The following KCNIP1 variants were observed in gnomAD, a reference collection of about 807,000 sequenced individuals.
The protein encoded by KCNIP1 is potassium voltage-gated channel interacting protein 1, also known as A-type potassium channel modulatory protein KCNIP1.
Under a neutral mutation model 33.0 loss-of-function variants are expected in KCNIP1, and 18 were observed. The ratio of observed to expected loss-of-function variants is 0.55; its 90% CI spans 0.38 to 0.81. The LOEUF is 0.81. Among genes scored for constraint, KCNIP1 ranks in the 30% least tolerant of loss-of-function variants. The pLI, the probability that KCNIP1 is intolerant of heterozygous loss-of-function variation, is 0.00. For missense variants in KCNIP1, 238 were observed against 271.6 expected, an observed-to-expected ratio of 0.88 and a Z score of 0.87; for synonymous variants, 93 against 98.3, an observed-to-expected ratio of 0.95 and a Z score of 0.32.
intron 1 of KCNIP1, among the ~76,000 whole-genome samples, chr5:170,390,621 C>G (rs947383430): frequency 6.6e-6 from 1 of 150,838 alleles, no homozygotes; most frequent in African/African-American, 2.5e-5. Flanking sequence ...AGCTTATCTC[C>G]ACCCTTCACT....
At chr5:170,680,870 A>G (rs943485424) in intron 1 of KCNIP1, 3 of 390,964 alleles carry the variant, frequency 7.7e-6, no homozygotes, top group African/African-American at 6.2e-5. Flanking sequence ...TATGAAACAT[A>G]GAGATTACCA....
intron 1 of KCNIP1, among the ~76,000 whole-genome samples, chr5:170,693,504 C>A (rs888846225): frequency 1.3e-5 from 2 of 152,124 alleles, no homozygotes; most frequent in Non-Finnish European, 2.9e-5. Flanking sequence ...AGGTGAAGAA[C>A]GTACAGAAGC....
rs145538315 is a variant in KCNIP1 at position 170,529,040 on chromosome 5, A to G, written c.61+24407A>G. Among the ~76,000 whole-genome samples, 104 of 152,344 alleles carry G rather than the reference A, an allele frequency of 6.8e-4. 1 individual carries two copies. The highest frequency in any genetic ancestry group is 2.5e-3 in the African/African-American group (103 of 41,580). On this transcript the variant is annotated intron_variant, in intron 1 of 7. Transcript: ENST00000328939. ...TGTTAGTCAGAACCTTTTCAGTTTC[A>G]AACAACAGAAAACCAACTCTTCCTG...
At chr5:170,579,558 G>C (rs1356138930) in intron 1 of KCNIP1, among the ~76,000 whole-genome samples, 12 of 152,082 alleles carry the variant, frequency 7.9e-5, no homozygotes, top group Non-Finnish European at 1.5e-5. Context: ...TTGCTTCACT[G>C]TGATACCATC....
intron 1 of KCNIP1, among the ~76,000 whole-genome samples, chr5:170,686,753 G>C (rs1315342778): frequency 6.6e-6 from 1 of 152,158 alleles, no homozygotes; most frequent in Non-Finnish European, 1.5e-5. Flanking sequence ...GAAGTGTTTG[G>C]TGTCTCACAC....
chr5:170,544,094 T>C (rs962007424), intron 1 of KCNIP1, among the ~76,000 whole-genome samples: 1 of 152,126 alleles, frequency 6.6e-6, no homozygotes, highest in African/African-American at 2.4e-5. Flanking sequence ...AATTGAATAA[T>C]GACACTTAGT....
At chr5:170,706,841 A>G (rs1763270363) in intron 1 of KCNIP1, among the ~76,000 whole-genome samples, 1 of 152,144 alleles carries the variant, frequency 6.6e-6, no homozygotes, top group Non-Finnish European at 1.5e-5. Flanking sequence ...CAAGAGGAGT[A>G]ATGAAATCCC....
rs140262674 is a variant in KCNIP1 at position 170,703,947 on chromosome 5, T to C, written c.62-14811T>C. Among the ~76,000 whole-genome samples, 149 of 138,106 alleles carry C rather than the reference T, an allele frequency of 1.1e-3. 15 individuals carry two copies. Among genetic ancestry groups the C allele is most frequent in the Non-Finnish European group, 1.8e-3 (116 of 65,714 alleles). The allele number at this position is 138,106 out of a possible 152,430, so 90.6% of individuals were successfully genotyped here. Reference sequence around the variant, plus strand: ...GACACAATCTCCGCCTACCCCACCCTTGAATATGAAAACTGTGACACCCAA... The same window carrying C: ...GACACAATCTCCGCCTACCCCACCCCTGAATATGAAAACTGTGACACCCAA... On this transcript the variant is annotated intron_variant, in intron 1 of 7. Transcript: ENST00000328939.
At chr5:170,714,797 T>A (rs1581535695) in intron 1 of KCNIP1, among the ~76,000 whole-genome samples, 1 of 152,098 alleles carries the variant, frequency 6.6e-6, no homozygotes, top group South Asian at 2.1e-4. Context: ...AATTTTAAGC[T>A]AAGCGTTATC....
At chr5:170,418,276 C>T (rs767786688) in intron 1 of KCNIP1, among the ~76,000 whole-genome samples, 12 of 152,198 alleles carry the variant, frequency 7.9e-5, no homozygotes, top group Non-Finnish European at 1.6e-4. Flanking sequence ...ACTAAAAATA[C>T]AAAATTTAGC....
At chr5:170,551,908 G>GTGTA (rs201550965) in intron 1 of KCNIP1, among the ~76,000 whole-genome samples, 1 of 151,836 alleles carries the variant, frequency 6.6e-6, no homozygotes, top group Non-Finnish European at 1.5e-5. Flanking sequence ...GTGTGAGTGT[G>GTGTA]TGTATGTATG....
At chr5:170,503,916 G>T (rs986319845), upstream of KCNIP1, 10 of 463,356 alleles carry the variant, frequency 2.2e-5, no homozygotes, top group South Asian at 1.8e-4. Context: ...GGGTGAGGGC[G>T]CAGGGCTGGG....
intron 1 of KCNIP1, among the ~76,000 whole-genome samples, chr5:170,518,002 AGGT>A (rs1257390531): frequency 6.7e-6 from 1 of 149,486 alleles, no homozygotes; most frequent in East Asian, 2.0e-4. Context: ...GTGGTTATGG[AGGT>A]GGTGGTGACG....
chr5:170,653,089 C>T (rs918122467), intron 1 of KCNIP1, among the ~76,000 whole-genome samples: 1 of 152,182 alleles, frequency 6.6e-6, no homozygotes, highest in African/African-American at 2.4e-5. Context: ...CCACTCACCC[C>T]AAAGGAAAGG....
At position 170,504,687 on chromosome 5, in the gene KCNIP1, C is replaced by T. The variant is rs1754638987; in HGVS notation, c.61+54C>T. ...TGTCTGGGCTTGGGGGTGCTAGGCG[C>T]CGAGGTGGGCTGTGCCACCTGCCTC... On this transcript the variant is annotated intron_variant, in intron 1 of 7. Coordinates refer to ENST00000328939, the MANE Select transcript of KCNIP1 (RefSeq NM_014592.4). This position sits in a 1 kb window ranked among gnomAD's most constrained non-coding sequence, Gnocchi z 6.0. 5.4e-6 allele frequency: 8 copies of T among 1,490,794 alleles called. No individual in the cohort carries two copies. Among genetic ancestry groups the T allele is most frequent in the Non-Finnish European group, 6.5e-6 (7 of 1,068,844 alleles). 92.3% of individuals were successfully genotyped at this position (1,490,794 alleles called of 1,614,324 possible). A position where few individuals can be genotyped will look rare whatever the true frequency, so the allele number is the denominator to read the frequency against.
chr5:170,403,931 T>TAGTAGAA (rs1020935095), intron 1 of KCNIP1, among the ~76,000 whole-genome samples: 1 of 152,206 alleles, frequency 6.6e-6, no homozygotes, highest in African/African-American at 2.4e-5. Context: ...CTGCATATTG[T>TAGTAGAA]AGTAGAAAAC....
chr5:170,517,686 GTGGTGATGA>G (rs1755187048), intron 1 of KCNIP1, among the ~76,000 whole-genome samples: 2 of 151,886 alleles, frequency 1.3e-5, no homozygotes, highest in Non-Finnish European at 2.9e-5. Flanking sequence ...GATAGTGACG[GTGGTGATGA>G]TGGTGATGGT....
At chr5:170,397,238 A>T (rs559434360) in intron 1 of KCNIP1, among the ~76,000 whole-genome samples, 2 of 152,302 alleles carry the variant, frequency 1.3e-5, no homozygotes, top group East Asian at 1.9e-4. Context: ...CAGTCAATCA[A>T]GCGGCTTAGC....
intron 1 of KCNIP1, among the ~76,000 whole-genome samples, chr5:170,593,658 G>A (rs1003820627): frequency 6.6e-5 from 10 of 152,172 alleles, no homozygotes; most frequent in Admixed American, 1.3e-4. Context: ...AAGATAAATC[G>A]GGTGTGTTTT....
Sources: allele counts gnomAD v4.1 joint callset (sites outside exome capture counted in the v4.1 genomes callset), GRCh38; gene constraint gnomAD v4.1.1; non-coding constraint Gnocchi (gnomAD v3.1); transcripts MANE v1.5; gene names NCBI Gene and HGNC (gene_info 2026-07-23, HGNC 2026-07-21).